Variants in ZNF583 observed in about 807,000 individuals in gnomAD.
The protein encoded by ZNF583 is zinc finger protein L3-5.
In ZNF583, 30 loss-of-function variants were observed where a neutral mutation model predicts 55.3. The observed-to-expected ratio is 0.54, with a 90% confidence interval of 0.41 to 0.74. ZNF583 has a LOEUF of 0.74. Among genes scored for constraint, ZNF583 ranks in the 30% least tolerant of loss-of-function variants. ZNF583 has a pLI of 0.00. For synonymous variants in ZNF583, 208 were observed against 220.0 expected (o/e 0.95, Z 0.48); for missense variants, 504 against 664.7 (o/e 0.76, Z 2.66).
At chr19:56,405,025 CTG>C (rs1331568821) in intron 1 of ZNF583, among the ~76,000 whole-genome samples, 1 of 151,916 alleles carries the variant, frequency 6.6e-6, no homozygotes, top group African/African-American at 2.4e-5. Context: ...TTAGATGAGA[CTG>C]TGACAGTATG....
chr19:56,421,823 T>C (rs543922163), intron 4 of ZNF583, among the ~76,000 whole-genome samples: 66 of 152,266 alleles, frequency 4.3e-4, no homozygotes, highest in African/African-American at 1.6e-3. Flanking sequence ...TAAGTTAACA[T>C]GTAATATGAT....
At position 56,414,098 on chromosome 19, in the gene ZNF583, C is replaced by A; in HGVS notation, c.136+13C>A. ...TTGGTATCATTGGGTAAGGACATGT[C>A]CCCTTAATTCAGAATCTGTACATGG... is the stretch of plus-strand genomic sequence containing the variant. On this transcript the variant is annotated intron_variant, in intron 3 of 4. Transcript: ENST00000333201. 6.4e-7 allele frequency: 1 copy of A among 1,570,470 alleles called. No individual in the cohort carries two copies. The highest frequency in any genetic ancestry group is 8.6e-7 in the Non-Finnish European group (1 of 1,162,406).
intron 4 of ZNF583, among the ~76,000 whole-genome samples, chr19:56,415,097 G>C (rs1417937960): frequency 6.6e-6 from 1 of 151,732 alleles, no homozygotes. Context: ...TAGATTGAAG[G>C]ATTGATGCAT....
intron 3 of ZNF583, 99 bp from the exon 4 acceptor site, chr19:56,414,246 C>T: frequency 6.7e-7 from 1 of 1,493,832 alleles, no homozygotes; most frequent in Non-Finnish European, 9.3e-7. Flanking sequence ...CATTCTTATT[C>T]CTCAGCTCCC....
In ZNF583 at chr19:56,423,717, G is replaced by T; in HGVS notation, c.1059G>T (p.Val353=). ...TTCATACAGGAGAGAAACCTTATGT[G>T]TGTAATGTGTGTGGGAAAGCCTTTA... ...QRIHTGEKPY[V]CNVCGKAFSH... is the part of the protein sequence containing the mutation. Residue 353 remains valine, a synonymous_variant, in exon 5 of 5, where the codon GTG becomes GTT. Transcript: ENST00000333201. The T allele has an allele frequency of 6.2e-7, 1 of 1,613,562 alleles. No individual in the cohort carries two copies. Among genetic ancestry groups the T allele is most frequent in the Non-Finnish European group, 8.5e-7 (1 of 1,179,880 alleles).
In ZNF583 at chr19:56,425,051, GT is replaced by G. The variant is rs35790545; in HGVS notation, c.*696del. ...CAGCTCAGGACTGAGAGATTGTGAA[GT>G]TTTTTTTTTTTTAGGAATGGTAGGC... On this transcript the variant is annotated 3_prime_UTR_variant, in exon 5 of 5. Coordinates refer to ENST00000333201, the MANE Select transcript of ZNF583 (RefSeq NM_152478.3). 3.6e-4 allele frequency: 52 copies of G among 144,958 alleles called. No homozygotes were observed. Among genetic ancestry groups the G allele is most frequent in the Admixed American group, 4.8e-4 (7 of 14,494 alleles). The allele number at this position is 144,958 out of a possible 1,614,324, so 9.0% of individuals were successfully genotyped here.
At position 56,407,189 on chromosome 19, in the gene ZNF583, T is replaced by C. The variant is rs1291279046; in HGVS notation, c.9+66T>C. On this transcript the variant is annotated intron_variant, in intron 2 of 4. Coordinates refer to ENST00000333201, the MANE Select transcript of ZNF583 (RefSeq NM_152478.3). ...TATTTTTTAGGTTATACGAACATTT[T>C]GTTTTTCTTCCAAAATTCTGCAACC... 29 of 1,593,254 alleles carry C rather than the reference T, an allele frequency of 1.8e-5. 1 individual carries two copies. Among genetic ancestry groups the C allele is most frequent in the Middle Eastern group, 3.7e-4 (2 of 5,344 alleles).
Position 56,423,297 on chromosome 19 carries a change from ATGTAATGATTG to A in ZNF583, c.642_652del (p.Cys214Ter). On this transcript the variant is annotated frameshift_variant, in exon 5 of 5. Coordinates refer to ENST00000333201, the MANE Select transcript of ZNF583 (RefSeq NM_152478.3). LOFTEE classifies it high-confidence loss of function. ...TCTATGTAGAAAAGAAACTTTTGAA[ATGTAATGATTG>A]TGAGAAAGTCTTCAACCAGAGCTCA... is the stretch of plus-strand genomic sequence containing the variant. 6.2e-7 allele frequency: 1 copy of A among 1,609,078 alleles called. No individual in the cohort carries two copies. Among genetic ancestry groups the A allele is most frequent in the Non-Finnish European group, 8.5e-7 (1 of 1,178,764 alleles).
At chr19:56,411,524 T>G (rs1023248543) in intron 2 of ZNF583, among the ~76,000 whole-genome samples, 19 of 152,242 alleles carry the variant, frequency 1.2e-4, no homozygotes, top group Non-Finnish European at 2.2e-4. Flanking sequence ...AAGGACTTCA[T>G]GTAGCAAAAG....
At chr19:56,409,233 T>A (rs2042201778) in intron 2 of ZNF583, among the ~76,000 whole-genome samples, 2 of 152,232 alleles carry the variant, frequency 1.3e-5, no homozygotes, top group Non-Finnish European at 2.9e-5. Context: ...CACCTTTGTA[T>A]TCCTGACTCT....
chr19:56,423,715 G>A lies in ZNF583; in HGVS notation c.1057G>A (p.Val353Met), dbSNP rs2042457532. The A allele has an allele frequency of 1.9e-6, 3 of 1,613,926 alleles. No homozygotes were observed. In the South Asian group the frequency reaches 3.3e-5, roughly 18 times the overall value. ...QRIHTGEKPY[V>M]CNVCGKAFSH... ...AATTCATACAGGAGAGAAACCTTAT[G>A]TGTGTAATGTGTGTGGGAAAGCCTT... Residue 353 changes from valine to methionine, a missense_variant, in exon 5 of 5, where the codon GTG (valine) becomes ATG (methionine). Around this residue, in one of 3 missense-constraint regions of ZNF583, gnomAD observed 237 missense variants for 373.0 expected, o/e 0.64. Coordinates refer to ENST00000333201, the MANE Select transcript of ZNF583 (RefSeq NM_152478.3).
intron 2 of ZNF583, among the ~76,000 whole-genome samples, chr19:56,413,398 CTT>C (rs1405428883): frequency 6.6e-6 from 1 of 152,126 alleles, no homozygotes; most frequent in Non-Finnish European, 1.5e-5. Context: ...CAGTATATAA[CTT>C]TGTTTACTGT....
At chr19:56,421,821 CAT>C (rs2042420446) in intron 4 of ZNF583, among the ~76,000 whole-genome samples, 2 of 152,064 alleles carry the variant, frequency 1.3e-5, no homozygotes, top group Non-Finnish European at 2.9e-5. Flanking sequence ...AGTAAGTTAA[CAT>C]GTAATATGAT....
intron 2 of ZNF583, among the ~76,000 whole-genome samples, chr19:56,407,963 A>G (rs1172862197): frequency 1.3e-5 from 2 of 152,252 alleles, no homozygotes; most frequent in East Asian, 3.8e-4. Flanking sequence ...CACTGAACAT[A>G]TAGTTATTAA....
chr19:56,423,088 A>G lies in ZNF583; in HGVS notation c.430A>G (p.Ile144Val). The change falls in exon 5 of 5, where the codon ATC becomes GTC. Residue 144 changes from isoleucine to valine, a missense_variant. Ile to Val is a conservative substitution (Grantham distance 29). Coordinates refer to ENST00000333201, the MANE Select transcript of ZNF583 (RefSeq NM_152478.3). Reference sequence around the variant, plus strand: ...AGAGGTACATCTTAGTCAATTAATCATCACTCATAAAGAAATCCTTCCAGA... The same window carrying G: ...AGAGGTACATCTTAGTCAATTAATCGTCACTCATAAAGAAATCCTTCCAGA... ...SQEVHLSQLIITHKEILPEVQ... is the reference protein window; with the variant it reads ...SQEVHLSQLIVTHKEILPEVQ... 1 of 1,613,026 alleles carries G rather than the reference A, an allele frequency of 6.2e-7. No homozygotes were observed. Among genetic ancestry groups the G allele is most frequent in the Non-Finnish European group, 8.5e-7 (1 of 1,179,664 alleles).
In ZNF583 at chr19:56,424,765, T is replaced by C. The variant is rs1175356858; in HGVS notation, c.*397T>C. ...TCAAAAAGACCTGGGTTCCAATCTT[T>C]GCACTTCCATTTCCTGCCCTCTAAT... On this transcript the variant is annotated 3_prime_UTR_variant, in exon 5 of 5. Transcript: ENST00000333201. The C allele has an allele frequency of 1.2e-5, 2 of 162,360 alleles. No individual in the cohort carries two copies. Among genetic ancestry groups the C allele is most frequent in the East Asian group, 3.7e-4 (2 of 5,472 alleles). The allele number at this position is 162,360 out of a possible 1,614,324, so 10.1% of individuals were successfully genotyped here. A position where few individuals can be genotyped will look rare whatever the true frequency, so the allele number is the denominator to read the frequency against.
intron 4 of ZNF583, chr19:56,414,923 T>C (rs4801161): frequency 0.85 from 123,021 of 145,304 alleles, 52,458 homozygotes; most frequent in African/African-American, 0.95. Flanking sequence ...ATCCCATCTA[T>C]GTGGGAGGCT....
chr19:56,421,520 A>G (rs780848603), intron 4 of ZNF583: 349 of 984,706 alleles, frequency 3.5e-4, no homozygotes, highest in Non-Finnish European at 4.1e-4. Context: ...AGCAGCCTCA[A>G]TTTAAGTATG....
intron 4 of ZNF583, among the ~76,000 whole-genome samples, chr19:56,422,512 G>T (rs891980993): frequency 6.6e-6 from 1 of 152,068 alleles, no homozygotes; most frequent in African/African-American, 2.4e-5. Context: ...TTTTAGGCCT[G>T]GGATTCCAAT....
Sources: allele counts gnomAD v4.1 joint callset (sites outside exome capture counted in the v4.1 genomes callset), GRCh38; gene constraint gnomAD v4.1.1; regional missense constraint gnomAD v4.1.1; transcripts MANE v1.5; gene names NCBI Gene and HGNC (gene_info 2026-07-23, HGNC 2026-07-21).